Variants in CCDC178 observed in about 807,000 individuals in gnomAD.
CCDC178 encodes coiled-coil domain-containing protein 178.
A neutral mutation model predicts 117.4 loss-of-function variants in CCDC178; 126 were observed. The ratio of observed to expected loss-of-function variants is 1.07; its 90% CI spans 0.93 to 1.24. CCDC178 has a LOEUF of 1.24. Ranked by LOEUF, CCDC178 falls within the 50% of genes most tolerant of loss-of-function variation. CCDC178 has a pLI of 0.00. For missense variants in CCDC178, 1,030 were observed against 986.9 expected, an observed-to-expected ratio of 1.04 and a Z score of -0.59; for synonymous variants, 283 against 313.4, an observed-to-expected ratio of 0.90 and a Z score of 1.02.
intron 15 of CCDC178, among the ~76,000 whole-genome samples, chr18:33,240,544 T>C (rs970983238): frequency 1.3e-5 from 2 of 151,284 alleles, no homozygotes; most frequent in African/African-American, 4.9e-5. Flanking sequence ...TCACAATAGA[T>C]AACAACAGAA....
chr18:33,344,913 T>C, intron 9 of CCDC178, among the ~76,000 whole-genome samples: 1 of 151,620 alleles, frequency 6.6e-6, no homozygotes, highest in Non-Finnish European at 1.5e-5. Context: ...GTACAAATTC[T>C]ATTCAAAAAG....
intron 5 of CCDC178, among the ~76,000 whole-genome samples, chr18:33,388,770 C>T (rs962360809): frequency 6.6e-6 from 1 of 151,708 alleles, no homozygotes; most frequent in Non-Finnish European, 1.5e-5. Context: ...CCGCCCGCCT[C>T]GGCCTCCCAA....
At chr18:33,391,418 A>T (rs2063563881) in intron 4 of CCDC178, among the ~76,000 whole-genome samples, 1 of 152,114 alleles carries the variant, frequency 6.6e-6, no homozygotes, top group South Asian at 2.1e-4. Context: ...CAGAATAACA[A>T]AATGACATAC....
At chr18:33,283,152 C>T (rs1272853852) in intron 12 of CCDC178, among the ~76,000 whole-genome samples, 2 of 152,212 alleles carry the variant, frequency 1.3e-5, no homozygotes, top group East Asian at 3.9e-4. Flanking sequence ...CTCAAGGAGC[C>T]AAGAACAAAG....
At chr18:33,086,686 G>A (rs2057383642) in intron 21 of CCDC178, among the ~76,000 whole-genome samples, 1 of 151,954 alleles carries the variant, frequency 6.6e-6, no homozygotes, top group Admixed American at 6.6e-5. Flanking sequence ...AGTGTGTCAT[G>A]TTATATATAT....
At chr18:33,139,332 G>A (rs902316321) in intron 20 of CCDC178, among the ~76,000 whole-genome samples, 3 of 152,186 alleles carry the variant, frequency 2.0e-5, no homozygotes, top group African/African-American at 4.8e-5. Context: ...ATGTGGCAGC[G>A]ACTTTGGAAC....
At chr18:33,296,380 T>C (rs77167266) in intron 11 of CCDC178, among the ~76,000 whole-genome samples, 1 of 151,726 alleles carries the variant, frequency 6.6e-6, no homozygotes, top group African/African-American at 2.4e-5. Flanking sequence ...TAAAATGGCA[T>C]ATAATAATAA....
chr18:32,953,731 A>G (rs1334360966), intron 22 of CCDC178, among the ~76,000 whole-genome samples: 5 of 152,210 alleles, frequency 3.3e-5, no homozygotes, highest in Non-Finnish European at 7.3e-5. Context: ...TTTCTCTTAT[A>G]AAACAATGTT....
At chr18:33,328,641 A>G (rs919187723) in intron 10 of CCDC178, among the ~76,000 whole-genome samples, 2 of 152,160 alleles carry the variant, frequency 1.3e-5, no homozygotes, top group African/African-American at 4.8e-5. Flanking sequence ...TTATTTCTGA[A>G]ATTTCAGTTC....
At chr18:33,137,933 G>A (rs893545825) in intron 20 of CCDC178, among the ~76,000 whole-genome samples, 2 of 152,166 alleles carry the variant, frequency 1.3e-5, no homozygotes, top group African/African-American at 4.8e-5. Context: ...ATAGTGTAAT[G>A]GAAAGTGGAC....
chr18:33,216,381 T>C (rs934029618), intron 18 of CCDC178, among the ~76,000 whole-genome samples: 1 of 152,092 alleles, frequency 6.6e-6, no homozygotes, highest in African/African-American at 2.4e-5. Flanking sequence ...GGTAGGCCTG[T>C]GCAATTCCAG....
chr18:33,170,067 T>G (rs910343150), intron 20 of CCDC178, among the ~76,000 whole-genome samples: 1 of 151,938 alleles, frequency 6.6e-6, no homozygotes, highest in Non-Finnish European at 1.5e-5. Flanking sequence ...TGTGTGTGTG[T>G]GTGTGTGTGT....
intron 20 of CCDC178, among the ~76,000 whole-genome samples, chr18:33,109,118 G>C (rs2057746220): frequency 6.6e-6 from 1 of 151,612 alleles, no homozygotes; most frequent in African/African-American, 2.4e-5. Context: ...ATTCAAGTAT[G>C]ACAATGAACG....
intron 21 of CCDC178, among the ~76,000 whole-genome samples, chr18:33,001,491 C>A (rs191503406): frequency 1.3e-5 from 2 of 151,456 alleles, no homozygotes; most frequent in Non-Finnish European, 2.9e-5. Context: ...CCACCCTGGG[C>A]GACAGAGCGA....
chr18:33,228,367 T>C (rs893153971), intron 15 of CCDC178, among the ~76,000 whole-genome samples: 11 of 152,218 alleles, frequency 7.2e-5, no homozygotes, highest in African/African-American at 1.9e-4. Context: ...CAAGTTATTA[T>C]TGAAATGAAT....
chr18:33,317,315 G>T (rs749646586), intron 11 of CCDC178, among the ~76,000 whole-genome samples: 1 of 151,910 alleles, frequency 6.6e-6, no homozygotes, highest in Non-Finnish European at 1.5e-5. Context: ...GACATTCACC[G>T]TGAAGGCCTG....
intron 20 of CCDC178, among the ~76,000 whole-genome samples, chr18:33,139,478 C>G (rs1395425598): frequency 1.3e-5 from 2 of 152,110 alleles, no homozygotes; most frequent in African/African-American, 4.8e-5. Flanking sequence ...CAATAAATTC[C>G]AGGCTGAGGT....
At chr18:33,400,113 T>A (rs984639564) in intron 3 of CCDC178, among the ~76,000 whole-genome samples, 23 of 151,436 alleles carry the variant, frequency 1.5e-4, no homozygotes, top group Non-Finnish European at 2.7e-4. Context: ...TTTTTTTTTT[T>A]TTGAGCAGTA....
rs557862472 is a variant in CCDC178, at chr18:32,946,872, C to T, written c.2524-8781G>A. On this transcript the variant is annotated intron_variant, in intron 22 of 22. Coordinates refer to ENST00000383096, the MANE Select transcript of CCDC178 (RefSeq NM_001105528.4). ...TCAGCTAACTGCAAGCTCCACCTCC[C>T]GGGTTCACGCCATTCTCCTGTCTTA... 6.2e-4 allele frequency among the ~76,000 whole-genome samples: 94 copies of T among 151,690 alleles called. 1 individual carries two copies. The highest frequency in any genetic ancestry group is 2.2e-3 in the African/African-American group (90 of 41,366).
Sources: allele counts gnomAD v4.1 joint callset (sites outside exome capture counted in the v4.1 genomes callset), GRCh38; gene constraint gnomAD v4.1.1; transcripts MANE v1.5; gene names NCBI Gene and HGNC (gene_info 2026-07-23, HGNC 2026-07-21).